IP6K2: variants seen among roughly 807,000 people sequenced by gnomAD.
The protein encoded by IP6K2 is ATP:1D-myo-inositol-hexakisphosphate phosphotransferase.
Under a neutral mutation model 43.3 loss-of-function variants are expected in IP6K2, and 9 were observed. That is an observed-to-expected ratio of 0.21 (90% CI 0.13 to 0.36). The LOEUF (loss-of-function observed/expected upper bound fraction) is 0.36, where lower values mean the gene tolerates loss of function less well. IP6K2 is among the 10% of genes least tolerant of loss of function. The pLI, the probability that IP6K2 is intolerant of heterozygous loss-of-function variation, is 1.00. For missense variants in IP6K2, 332 were observed against 538.4 expected, an observed-to-expected ratio of 0.62 and a Z score of 3.79; for synonymous variants, 209 against 202.4, an observed-to-expected ratio of 1.03 and a Z score of -0.28.
At chr3:48,694,159 C>G (rs1457021499) in intron 2 of IP6K2, 3 of 1,546,878 alleles carry the variant, frequency 1.9e-6, no homozygotes, top group Non-Finnish European at 2.6e-6. Flanking sequence ...TCAGGCCACA[C>G]TTCCCTGTGG....
intron 1 of IP6K2, among the ~76,000 whole-genome samples, chr3:48,699,028 ACT>A (rs1439306581): frequency 1.3e-5 from 2 of 152,186 alleles, no homozygotes; most frequent in African/African-American, 4.8e-5. Flanking sequence ...TAGAAAAATA[ACT>A]CTGTGTAGGT....
chr3:48,712,692 G>A (rs2080690039), intron 1 of IP6K2, among the ~76,000 whole-genome samples: 1 of 152,010 alleles, frequency 6.6e-6, no homozygotes, highest in East Asian at 1.9e-4. Flanking sequence ...TTCCAGCCTG[G>A]GCAACTGAGT....
At chr3:48,701,875 G>A (rs2079093506) in intron 1 of IP6K2, among the ~76,000 whole-genome samples, 1 of 152,142 alleles carries the variant, frequency 6.6e-6, no homozygotes, top group Non-Finnish European at 1.5e-5. Flanking sequence ...TCCAGCCTGG[G>A]CAACAGAGCG....
chr3:48,699,486 T>C (rs2078788634), intron 1 of IP6K2: 1 of 151,694 alleles, frequency 6.6e-6, no homozygotes, highest in African/African-American at 2.4e-5. Context: ...TTCTCCAGAG[T>C]GTTAATTAGC....
chr3:48,694,843 T>C (rs778063050), intron 2 of IP6K2: 28 of 1,536,826 alleles, frequency 1.8e-5, no homozygotes, highest in Middle Eastern at 1.7e-4. Flanking sequence ...AAAACACAAC[T>C]ACACTTCTAC....
intron 2 of IP6K2, 175 bp from the exon 3 acceptor site, chr3:48,693,354 C>T (rs774968457): frequency 1.8e-6 from 2 of 1,115,924 alleles, no homozygotes; most frequent in East Asian, 2.4e-5. Context: ...AAAGATGACA[C>T]CATACAAGAC....
chr3:48,688,526 A>G lies in IP6K2; in HGVS notation c.1028T>C (p.Val343Ala), dbSNP rs143054185. Residue 343 changes from valine to alanine, a missense_variant, in exon 6 of 6, where the codon GTG becomes GCG. By Grantham distance (64) the Val-to-Ala change is moderately conservative. Coordinates refer to ENST00000328631, the MANE Select transcript of IP6K2 (RefSeq NM_016291.4). This position sits in a 1 kb window ranked among gnomAD's most constrained non-coding sequence, Gnocchi z 5.1. ...VIYDGKERPE[V>A]VLDSDAEDLE... Reference sequence around the variant, plus strand: ...ATCCTCAGCATCTGAGTCCAGGACCACTTCGGGCCGCTCCTTGCCATCATA... The same window carrying G: ...ATCCTCAGCATCTGAGTCCAGGACCGCTTCGGGCCGCTCCTTGCCATCATA... 367 of 1,614,096 alleles carry G rather than the reference A, an allele frequency of 2.3e-4. No individual in the cohort carries two copies. Among genetic ancestry groups the G allele is most frequent in the Non-Finnish European group, 3.0e-4 (351 of 1,180,048 alleles).
intron 5 of IP6K2, 131 bp downstream of exon 5, chr3:48,689,407 C>T: frequency 2.2e-6 from 2 of 910,278 alleles, no homozygotes; most frequent in Non-Finnish European, 1.6e-6. Flanking sequence ...CCCACCTTGA[C>T]CCCCAAAGTG....
In IP6K2 at chr3:48,688,784, G is replaced by A. The variant is rs201907257; in HGVS notation, c.781-11C>T. Reference sequence around the variant, plus strand: ...GCCTGCTTGGTACACCTGTAGGAGAGAGACCAGCAAGTCAGGGGCTGAGGG... The same window carrying A: ...GCCTGCTTGGTACACCTGTAGGAGAAAGACCAGCAAGTCAGGGGCTGAGGG... On this transcript the variant is annotated splice_polypyrimidine_tract_variant and intron_variant, in intron 5 of 5. Transcript: ENST00000328631. The surrounding 1 kb of genome is among the most constrained non-coding windows in gnomAD (Gnocchi z 5.1). The A allele has an allele frequency of 3.8e-6, 6 of 1,591,790 alleles. No individual in the cohort carries two copies. The highest frequency in any genetic ancestry group is 1.7e-4 in the Middle Eastern group (1 of 5,934).
intron 2 of IP6K2, chr3:48,694,703 C>T (rs753759928): frequency 8.0e-6 from 12 of 1,504,158 alleles, no homozygotes; most frequent in South Asian, 2.6e-5. Context: ...CCTAATTACC[C>T]GGGCTTCTGG....
intron 1 of IP6K2, among the ~76,000 whole-genome samples, chr3:48,704,779 G>C (rs1236853953): frequency 6.6e-6 from 1 of 150,782 alleles, no homozygotes; most frequent in Non-Finnish European, 1.5e-5. Flanking sequence ...GGCCGTTTAT[G>C]ATACACTTTT....
intron 2 of IP6K2, chr3:48,694,876 C>A (rs1203257932): frequency 6.5e-7 from 1 of 1,538,604 alleles, no homozygotes; most frequent in Non-Finnish European, 8.7e-7. Context: ...CAAATCCACA[C>A]AACAAAACAG....
chr3:48,692,932 G>A (rs2077930513), intron 3 of IP6K2, 22 bp downstream of exon 3: 2 of 1,561,894 alleles, frequency 1.3e-6, no homozygotes, highest in Non-Finnish European at 1.8e-6. Context: ...ATAGCCCAGA[G>A]TTGCCCTCTG....
chr3:48,714,032 G>A (rs1429519717), intron 1 of IP6K2, among the ~76,000 whole-genome samples: 1 of 151,676 alleles, frequency 6.6e-6, no homozygotes, highest in African/African-American at 2.4e-5. Context: ...CAGGAGAATC[G>A]GTTGAACCTG....
intron 3 of IP6K2, among the ~76,000 whole-genome samples, chr3:48,692,284 A>G (rs2077869258): frequency 1.3e-5 from 2 of 152,188 alleles, no homozygotes; most frequent in African/African-American, 4.8e-5. Flanking sequence ...AAATTAAGGG[A>G]CCAGTCAACC....
chr3:48,688,831 G>T lies in IP6K2; in HGVS notation c.781-58C>A. ...AGGGCCATCTCAAACCCTGGACCCC[G>T]GGCGGGGGTGGGGTGGTGTGGTGGT... On this transcript the variant is annotated intron_variant, in intron 5 of 5. Transcript: ENST00000328631. This position sits in a 1 kb window ranked among gnomAD's most constrained non-coding sequence, Gnocchi z 5.1. 1 of 1,538,710 alleles carries T rather than the reference G, an allele frequency of 6.5e-7. No homozygotes were observed. The highest frequency in any genetic ancestry group is 8.7e-7 in the Non-Finnish European group (1 of 1,144,090).
chr3:48,696,347 T>C (rs1227285844), intron 1 of IP6K2, among the ~76,000 whole-genome samples: 3 of 152,158 alleles, frequency 2.0e-5, no homozygotes, highest in Admixed American at 6.5e-5. Flanking sequence ...AGCTTGGGTC[T>C]AGCTTTAATG....
chr3:48,688,220 C>T lies in IP6K2; in HGVS notation c.*53G>A. 6.3e-7 allele frequency: 1 copy of T among 1,582,434 alleles called. No individual in the cohort carries two copies. The highest frequency in any genetic ancestry group is 8.6e-7 in the Non-Finnish European group (1 of 1,159,606). The stretch of plus-strand genomic sequence containing the variant: ...TACTGGCTTCCTCCCTGACGCAGCA[C>T]AGCTGTGCCTGGGACACAGAGTCGC... On this transcript the variant is annotated 3_prime_UTR_variant, in exon 6 of 6. Coordinates refer to ENST00000328631, the MANE Select transcript of IP6K2 (RefSeq NM_016291.4). The surrounding 1 kb of genome is among the most constrained non-coding windows in gnomAD (Gnocchi z 5.1).
At position 48,688,464 on chromosome 3, in the gene IP6K2, C is replaced by A. The variant is rs1241544618; in HGVS notation, c.1090G>T (p.Ala364Ser). ...ATGGGTTTGTAGGCATAGGCACCAG[C>A]AGACTCATCAGCTGATTCCTCTGAC... ...DLSEESADES[A>S]GAYAYKPIGA... The change falls in exon 6 of 6, where the codon GCT (alanine) becomes TCT (serine). Residue 364 changes from alanine (A) to serine (S), a missense_variant. Ala to Ser is a moderately conservative substitution (Grantham distance 99). Transcript: ENST00000328631. This position sits in a 1 kb window ranked among gnomAD's most constrained non-coding sequence, Gnocchi z 5.1. The A allele has an allele frequency of 1.9e-6, 3 of 1,614,254 alleles. No individual in the cohort carries two copies. In the South Asian group the frequency reaches 3.3e-5, roughly 18 times the overall value.
Sources: gnomAD v4.1 joint callset for allele counts (sites outside exome capture counted in the v4.1 genomes callset) on GRCh38, gnomAD v4.1.1 for gene constraint, Gnocchi (gnomAD v3.1) non-coding constraint, MANE v1.5 for transcripts, NCBI Gene and HGNC (gene_info 2026-07-23, HGNC 2026-07-21) for gene names.